Variants in MYO5B observed in about 807,000 individuals in gnomAD.
The protein encoded by MYO5B is unconventional myosin-Vb.
Under a neutral mutation model 229.3 loss-of-function variants are expected in MYO5B, and 143 were observed. The observed-to-expected ratio is 0.62, with a 90% CI of 0.54 to 0.72. The LOEUF (loss-of-function observed/expected upper bound fraction) is 0.72, where lower values mean the gene tolerates loss of function less well. Among genes scored for constraint, MYO5B ranks in the 30% least tolerant of loss-of-function variants. MYO5B has a pLI of 0.00. For synonymous variants in MYO5B, 918 were observed against 885.2 expected, an observed-to-expected ratio of 1.04 and a Z score of -0.66; for missense variants, 2,321 against 2,331.0, an observed-to-expected ratio of 1.00 and a Z score of 0.09.
At chr18:50,037,018 A>T (rs2026455931) in intron 3 of MYO5B, 24 bp from the exon 4 acceptor site, 1 of 1,614,032 alleles carries the variant, frequency 6.2e-7, no homozygotes, top group Admixed American at 1.7e-5. Flanking sequence ...AGGTGGTCAG[A>T]TTCCGACAGC....
intron 7 of MYO5B, among the ~76,000 whole-genome samples, chr18:49,985,581 T>A (rs910034790): frequency 6.6e-6 from 1 of 152,216 alleles, no homozygotes; most frequent in Admixed American, 6.5e-5. Flanking sequence ...AACAATTGCA[T>A]GTAATCGAAG....
intron 1 of MYO5B, among the ~76,000 whole-genome samples, chr18:50,192,305 C>T (rs947982069): frequency 6.6e-6 from 1 of 152,176 alleles, no homozygotes. Context: ...AGATCAAGAC[C>T]CTGAAGCATT....
intron 1 of MYO5B, among the ~76,000 whole-genome samples, chr18:50,178,756 T>G (rs1332418648): frequency 6.6e-6 from 1 of 152,194 alleles, no homozygotes; most frequent in Admixed American, 6.5e-5. Flanking sequence ...CATTGCAATG[T>G]GAGTGCAATT....
In MYO5B at chr18:50,168,661, C is replaced by T. The variant is rs1344193326; in HGVS notation, c.27+26106G>A. On this transcript the variant is annotated intron_variant, in intron 1 of 39. Transcript: ENST00000285039. ...GTTCCAACCCTGTGTGAATCTCAGA[C>T]ACCACGACCCCTAACCAGGTCTTGG... Among the ~76,000 whole-genome samples the T allele has an allele frequency of 1.5e-5, 2 of 130,652 alleles. 1 individual carries two copies. Among genetic ancestry groups the T allele is most frequent in the Non-Finnish European group, 3.3e-5 (2 of 60,394 alleles). The allele number at this position is 130,652 out of a possible 152,430, so 85.7% of individuals were successfully genotyped here. A position where few individuals can be genotyped will look rare whatever the true frequency, so the allele number is the denominator to read the frequency against.
chr18:49,937,591 A>C (rs545846640), intron 14 of MYO5B, among the ~76,000 whole-genome samples, 194 bp from the exon 15 acceptor site: 16 of 152,158 alleles, frequency 1.1e-4, no homozygotes, highest in Non-Finnish European at 2.4e-4. Context: ...CCAACTGATG[A>C]ATGGACAAAC....
chr18:50,062,165 GAA>G (rs57587120), intron 1 of MYO5B, among the ~76,000 whole-genome samples: 3 of 148,172 alleles, frequency 2.0e-5, no homozygotes, highest in Non-Finnish European at 3.0e-5. Context: ...AATTACACAT[GAA>G]AAAAAAAAAT....
At chr18:49,856,261 C>T (rs1022520421) in intron 30 of MYO5B, among the ~76,000 whole-genome samples, 2 of 152,204 alleles carry the variant, frequency 1.3e-5, no homozygotes, top group African/African-American at 4.8e-5. Flanking sequence ...TGCTGTGAGG[C>T]CAGATGTCAA....
At chr18:49,948,000 C>T (rs753150619) in intron 14 of MYO5B, among the ~76,000 whole-genome samples, 48 of 152,118 alleles carry the variant, frequency 3.2e-4, no homozygotes, top group Non-Finnish European at 5.1e-4. Flanking sequence ...CCTCCTAATG[C>T]TATCTACATA....
At chr18:49,893,189 C>T (rs999810002) in intron 22 of MYO5B, among the ~76,000 whole-genome samples, 6 of 152,154 alleles carry the variant, frequency 3.9e-5, no homozygotes, top group African/African-American at 1.2e-4. Flanking sequence ...GAGTCAAGTG[C>T]TATCTGTTGG....
At chr18:49,920,934 A>C (rs1050925402) in intron 17 of MYO5B, among the ~76,000 whole-genome samples, 1 of 152,168 alleles carries the variant, frequency 6.6e-6, no homozygotes, top group South Asian at 2.1e-4. Context: ...ATCTCACACA[A>C]AAGAGCCAGA....
chr18:50,033,973 C>A (rs2026419850), intron 4 of MYO5B, among the ~76,000 whole-genome samples: 2 of 152,140 alleles, frequency 1.3e-5, no homozygotes, highest in South Asian at 4.1e-4. Context: ...CTCACAGAGT[C>A]TCCACACCTA....
chr18:50,088,390 T>C (rs1222077832), intron 1 of MYO5B, among the ~76,000 whole-genome samples: 3 of 152,336 alleles, frequency 2.0e-5, no homozygotes, highest in East Asian at 3.9e-4. Flanking sequence ...TGATGTGCTA[T>C]TGATTTATTA....
Position 50,055,278 on chromosome 18 carries a change from T to C in MYO5B, c.128A>G (p.Glu43Gly). 8.0e-7 allele frequency: 1 copy of C among 1,252,058 alleles called. No homozygotes were observed. The highest frequency in any genetic ancestry group is 1.1e-6 in the Non-Finnish European group (1 of 936,842). The allele number at this position is 1,252,058 out of a possible 1,614,324, so 77.6% of individuals were successfully genotyped here. A position where few individuals can be genotyped will look rare whatever the true frequency, so the allele number is the denominator to read the frequency against. ...EGDKSLQLRLEDETILEYPID... is the reference protein window; with the variant it reads ...EGDKSLQLRLGDETILEYPID... Reference sequence around the variant, plus strand: ...CGGACTCACTCTTACCGTTTCATCCTCCAGTCTGAGCTGTAGGCTCTTGTC... The same window carrying C: ...CGGACTCACTCTTACCGTTTCATCCCCCAGTCTGAGCTGTAGGCTCTTGTC... Residue 43 changes from glutamate to glycine, a missense_variant, in exon 2 of 40, where the codon GAG becomes GGG. This residue lies in a region of MYO5B where 2,113 missense variants were observed against 2,044.7 expected (regional missense o/e 1.03). Coordinates refer to ENST00000285039, the MANE Select transcript of MYO5B (RefSeq NM_001080467.3).
At chr18:49,984,054 A>C (rs73442512) in intron 8 of MYO5B, among the ~76,000 whole-genome samples, 2,247 of 152,206 alleles carry the variant, frequency 0.015, 56 homozygotes, top group African/African-American at 0.051. Flanking sequence ...CTTTTTCTGG[A>C]TGCAGGTCCC....
chr18:49,909,259 A>C (rs995291626), intron 18 of MYO5B, among the ~76,000 whole-genome samples: 1 of 152,222 alleles, frequency 6.6e-6, no homozygotes, highest in African/African-American at 2.4e-5. Flanking sequence ...AAAGGAGGAA[A>C]TAGAAGACCC....
intron 5 of MYO5B, among the ~76,000 whole-genome samples, chr18:49,998,046 C>G (rs906294343): frequency 6.6e-6 from 1 of 151,862 alleles, no homozygotes; most frequent in Non-Finnish European, 1.5e-5. Flanking sequence ...AGTCGACTTA[C>G]GAAAAGTCGT....
chr18:50,150,611 T>C (rs902522582), intron 1 of MYO5B, among the ~76,000 whole-genome samples: 4 of 151,972 alleles, frequency 2.6e-5, no homozygotes, highest in South Asian at 2.1e-4. Context: ...CATATTCTCA[T>C]TCATAGGTGG....
At chr18:50,179,187 T>C (rs2033039525) in intron 1 of MYO5B, among the ~76,000 whole-genome samples, 2 of 152,142 alleles carry the variant, frequency 1.3e-5, no homozygotes, top group African/African-American at 4.8e-5. Context: ...AGATTGATGA[T>C]AGTTTAGACT....
intron 4 of MYO5B, among the ~76,000 whole-genome samples, chr18:50,019,284 G>A (rs1475257715): frequency 6.6e-6 from 1 of 152,192 alleles, no homozygotes; most frequent in African/African-American, 2.4e-5. Flanking sequence ...TTTATGAGAT[G>A]GGTAACGACT....
Sources: gnomAD v4.1 joint callset for allele counts (sites outside exome capture counted in the v4.1 genomes callset) on GRCh38, gnomAD v4.1.1 for gene constraint, gnomAD v4.1.1 regional missense constraint, MANE v1.5 for transcripts, NCBI Gene and HGNC (gene_info 2026-07-23, HGNC 2026-07-21) for gene names.